Variants in PCDHA10 observed in about 807,000 individuals in gnomAD.
PCDHA10 encodes the protein protocadherin alpha 10.
A neutral mutation model predicts 61.2 loss-of-function variants in PCDHA10; 45 were observed. The ratio of observed to expected loss-of-function variants is 0.74; its 90% CI spans 0.58 to 0.94. The LOEUF (loss-of-function observed/expected upper bound fraction) is 0.94. Ranked by LOEUF, PCDHA10 falls within the 40% of genes least tolerant of loss-of-function variation. The pLI is 0.00. For synonymous variants in PCDHA10, 602 were observed against 548.8 expected, an observed-to-expected ratio of 1.10 and a Z score of -1.35; for missense variants, 1,278 against 1,236.2, an observed-to-expected ratio of 1.03 and a Z score of -0.51.
intron 1 of PCDHA10, among the ~76,000 whole-genome samples, chr5:140,951,497 A>G (rs2094591184): frequency 6.6e-6 from 1 of 152,030 alleles, no homozygotes; most frequent in Non-Finnish European, 1.5e-5. Flanking sequence ...GGTGGAAGGC[A>G]AAAGGAAAGC....
In PCDHA10 at chr5:140,963,375, C is replaced by A. The variant is rs1425392684; in HGVS notation, c.2389-15574C>A. On this transcript the variant is annotated intron_variant, in intron 1 of 3. Transcript: ENST00000307360. ...CTTTTCAAAGAACATTAATTGAGCA[C>A]CTCTGTGCCAAGCTCCCTACTGGAT... is the stretch of plus-strand genomic sequence containing the variant. Among the ~76,000 whole-genome samples, 15 of 152,176 alleles carry A rather than the reference C, an allele frequency of 9.9e-5. 1 individual carries two copies. The highest frequency in any genetic ancestry group is 5.2e-4 in the Admixed American group (8 of 15,290).
intron 1 of PCDHA10, among the ~76,000 whole-genome samples, chr5:140,940,019 T>C (rs1554213082): frequency 6.6e-6 from 1 of 152,230 alleles, no homozygotes; most frequent in East Asian, 1.9e-4. Context: ...TTGTGTCATA[T>C]GTTTTAAGGC....
At chr5:140,939,152 G>A (rs1486129737) in intron 1 of PCDHA10, among the ~76,000 whole-genome samples, 20 of 152,068 alleles carry the variant, frequency 1.3e-4, no homozygotes, top group Admixed American at 1.2e-3. Context: ...CAAGGTCCTG[G>A]CAGATTTGTG....
chr5:140,876,791 G>C lies in PCDHA10; in HGVS notation c.2388+18355G>C, dbSNP rs782617794. 4.3e-6 allele frequency: 7 copies of C among 1,614,242 alleles called. No homozygotes were observed. The Admixed American group carries it at 1.2e-4, about 27-fold the overall frequency. On this transcript the variant is annotated intron_variant, in intron 1 of 3. Coordinates refer to ENST00000307360, the MANE Select transcript of PCDHA10 (RefSeq NM_018901.4). ...TCGCCTTCGCTGTGGGCCACGGCTA[G>C]AGTGTCCGTGGAGGTGGCCGACGTG...
chr5:140,856,342 C>T lies in PCDHA10; in HGVS notation c.294C>T (p.Ser98=), dbSNP rs1286159283. Residue 98 remains serine (S), a synonymous_variant, in exon 1 of 4, where the codon AGC becomes AGT. Coordinates refer to ENST00000307360, the MANE Select transcript of PCDHA10 (RefSeq NM_018901.4). ...RIDREELCGR[S]VECSIHLEVI... is the part of the protein sequence containing the mutation. ...ACCGCGAGGAGCTGTGCGGGCGGAG[C>T]GTGGAGTGCAGCATCCACCTGGAGG... 1.9e-6 allele frequency: 3 copies of T among 1,598,498 alleles called. No homozygotes were observed. Among genetic ancestry groups the T allele is most frequent in the Non-Finnish European group, 2.6e-6 (3 of 1,167,996 alleles).
chr5:140,954,771 T>C (rs1314345691), intron 1 of PCDHA10, among the ~76,000 whole-genome samples: 2 of 152,230 alleles, frequency 1.3e-5, no homozygotes, highest in African/African-American at 4.8e-5. Context: ...AGCTCTTTAA[T>C]TTAATTAGAT....
intron 1 of PCDHA10, chr5:140,862,653 G>A: frequency 1.8e-6 from 1 of 544,670 alleles, no homozygotes; most frequent in Non-Finnish European, 3.7e-6. Context: ...TGTCCGCGCG[G>A]GACCGGGACG....
intron 1 of PCDHA10, among the ~76,000 whole-genome samples, chr5:140,916,167 C>T (rs2077462600): frequency 6.6e-6 from 1 of 152,080 alleles, no homozygotes; most frequent in South Asian, 2.1e-4. Context: ...TGCTGCCAGG[C>T]CTGGGACTCT....
intron 1 of PCDHA10, among the ~76,000 whole-genome samples, chr5:140,906,888 A>C (rs1438258969): frequency 6.6e-6 from 1 of 152,102 alleles, no homozygotes; most frequent in Admixed American, 6.5e-5. Flanking sequence ...CTTCCTTCTT[A>C]GATTGTTGGT....
At chr5:140,943,144 G>C (rs894787678) in intron 1 of PCDHA10, among the ~76,000 whole-genome samples, 1 of 151,178 alleles carries the variant, frequency 6.6e-6, no homozygotes, top group Non-Finnish European at 1.5e-5. Context: ...TGTAGTCCCA[G>C]CTACTCTGGA....
intron 1 of PCDHA10, among the ~76,000 whole-genome samples, chr5:140,918,244 T>A (rs1554198493): frequency 6.6e-6 from 1 of 152,236 alleles, no homozygotes; most frequent in Non-Finnish European, 1.5e-5. Context: ...TGATTTTGTA[T>A]GCTGAAACTT....
chr5:140,856,592 A>G lies in PCDHA10; in HGVS notation c.544A>G (p.Ile182Val), dbSNP rs782076669. The G allele has an allele frequency of 1.2e-5, 19 of 1,597,836 alleles. 1 individual carries two copies. The highest frequency in any genetic ancestry group is 8.6e-6 in the Non-Finnish European group (10 of 1,167,414). The change falls in exon 1 of 4, where the codon ATA becomes GTA. Residue 182 changes from isoleucine (I) to valine (V), a missense_variant. Transcript: ENST00000307360. ...AAATGAGTATTTTGTTCTTGATATTATAAACAAAAAAGACAAAGACAAATT... is the reference window on the plus strand; with the variant it reads ...AAATGAGTATTTTGTTCTTGATATTGTAAACAAAAAAGACAAAGACAAATT... ...SPNEYFVLDI[I>V]NKKDKDKFPV...
chr5:140,857,150 A>C lies in PCDHA10; in HGVS notation c.1102A>C (p.Ile368Leu). The C allele has an allele frequency of 6.3e-7, 1 of 1,598,240 alleles. No individual in the cohort carries two copies. Among genetic ancestry groups the C allele is most frequent in the Non-Finnish European group, 8.6e-7 (1 of 1,167,730 alleles). ...AGAAGATGCTCAAGTGGGCACCGTCATTGCCCTAATCAGCGTTTCTGACCA... is the reference window on the plus strand; with the variant it reads ...AGAAGATGCTCAAGTGGGCACCGTCCTTGCCCTAATCAGCGTTTCTGACCA... Reference protein sequence around the residue: ...VKEDAQVGTVIALISVSDHDS... With the variant: ...VKEDAQVGTVLALISVSDHDS... The change falls in exon 1 of 4, where the codon ATT becomes CTT. Residue 368 changes from isoleucine to leucine, a missense_variant. Ile to Leu is a conservative substitution (Grantham distance 5). Coordinates refer to ENST00000307360, the MANE Select transcript of PCDHA10 (RefSeq NM_018901.4).
chr5:140,871,271 C>T (rs1369255733), intron 1 of PCDHA10: 1 of 1,613,830 alleles, frequency 6.2e-7, no homozygotes, highest in African/African-American at 1.3e-5. Context: ...CTGTGGTGGT[C>T]GGCAACGCCC....
intron 1 of PCDHA10, among the ~76,000 whole-genome samples, chr5:140,942,273 G>C (rs1360564646): frequency 6.6e-6 from 1 of 152,132 alleles, no homozygotes; most frequent in South Asian, 2.1e-4. Context: ...AGCTGGTAAT[G>C]GTGGCTCATG....
chr5:140,887,124 T>G (rs1554182893), intron 1 of PCDHA10, among the ~76,000 whole-genome samples: 2 of 151,068 alleles, frequency 1.3e-5, no homozygotes, highest in Admixed American at 6.6e-5. Flanking sequence ...TGAGACGGAG[T>G]CTCACTCTGT....
intron 1 of PCDHA10, among the ~76,000 whole-genome samples, chr5:140,871,958 G>A (rs1251366239): frequency 1.3e-5 from 2 of 152,180 alleles, no homozygotes; most frequent in Non-Finnish European, 2.9e-5. Context: ...CTAAAGGGAG[G>A]AGGTCTTCCT....
intron 1 of PCDHA10, among the ~76,000 whole-genome samples, chr5:140,918,556 G>A (rs1584104800): frequency 2.0e-5 from 3 of 152,302 alleles, no homozygotes; most frequent in Non-Finnish European, 4.4e-5. Context: ...CAATTGAGAA[G>A]AATGTATATT....
intron 1 of PCDHA10, among the ~76,000 whole-genome samples, chr5:140,924,692 C>T (rs1421659285): frequency 2.0e-5 from 3 of 151,910 alleles, no homozygotes; most frequent in Admixed American, 6.6e-5. Flanking sequence ...GTCAGGAGTT[C>T]GAGACCAGCT....
Sources: allele counts gnomAD v4.1 joint callset (sites outside exome capture counted in the v4.1 genomes callset), GRCh38; gene constraint gnomAD v4.1.1; transcripts MANE v1.5; gene names NCBI Gene and HGNC (gene_info 2026-07-23, HGNC 2026-07-21).